DYNC2LI1: variants seen among roughly 807,000 people sequenced by gnomAD.
The protein encoded by DYNC2LI1 is dynein cytoplasmic 2 light intermediate chain 1.
Under a neutral mutation model 51.9 loss-of-function variants are expected in DYNC2LI1, and 45 were observed. The ratio of observed to expected loss-of-function variants is 0.87; its 90% CI spans 0.68 to 1.11. The LOEUF (loss-of-function observed/expected upper bound fraction) is 1.11. Ranked by LOEUF, DYNC2LI1 falls within the 50% of genes most tolerant of loss-of-function variation. The pLI, the probability that DYNC2LI1 is intolerant of heterozygous loss-of-function variation, is 0.00. For synonymous variants in DYNC2LI1, 130 were observed against 137.8 expected (o/e 0.94, Z 0.40); for missense variants, 490 against 417.4 (o/e 1.17, Z -1.51).
Position 43,809,981 on chromosome 2 carries a change from A to G in DYNC2LI1, c.*214A>G. ...AGAACCACGTGTAATTTTTTTTAAA[A>G]TAAAAGAATCTTCTACTACCTACCT... On this transcript the variant is annotated 3_prime_UTR_variant, in exon 13 of 13. Transcript: ENST00000260605. The G allele has an allele frequency of 1.6e-6, 2 of 1,250,362 alleles. No homozygotes were observed. Among genetic ancestry groups the G allele is most frequent in the Non-Finnish European group, 2.0e-6 (2 of 978,256 alleles). The allele number at this position is 1,250,362 out of a possible 1,614,324, so 77.5% of individuals were successfully genotyped here. A position where few individuals can be genotyped will look rare whatever the true frequency, so the allele number is the denominator to read the frequency against.
the DYNC2LI1 span, chr2:43,824,204 T>C: frequency 6.2e-7 from 1 of 1,614,116 alleles, no homozygotes; most frequent in Non-Finnish European, 8.5e-7. Flanking sequence ...TTTCTCACAT[T>C]TGTGAGCCTC....
chr2:43,801,723 T>C lies in DYNC2LI1; in HGVS notation c.802+14T>C, dbSNP rs752982839. 5.0e-6 allele frequency: 8 copies of C among 1,595,382 alleles called. No homozygotes were observed. Among genetic ancestry groups the C allele is most frequent in the South Asian group, 1.1e-5 (1 of 89,060 alleles). On this transcript the variant is annotated intron_variant, in intron 10 of 12. Coordinates refer to ENST00000260605, the MANE Select transcript of DYNC2LI1 (RefSeq NM_016008.4). Reference sequence around the variant, plus strand: ...TCGGTCAAATAGGTTAGTGAACTTATTAAGATTGTTCAATCTTTTTTTAAT... The same window carrying C: ...TCGGTCAAATAGGTTAGTGAACTTACTAAGATTGTTCAATCTTTTTTTAAT...
intron 4 of DYNC2LI1, 98 bp downstream of exon 4, chr2:43,787,348 C>G: frequency 1.9e-6 from 2 of 1,026,242 alleles, no homozygotes; most frequent in African/African-American, 3.2e-5. Context: ...AATCAATAAA[C>G]ATACCCAGTT....
At chr2:43,775,985 G>A (rs1211216981) in intron 1 of DYNC2LI1, among the ~76,000 whole-genome samples, 7 of 149,378 alleles carry the variant, frequency 4.7e-5, no homozygotes, top group Non-Finnish European at 8.9e-5. Context: ...GATTACAGGT[G>A]TGAACCACCA....
chr2:43,822,478 GCC>G, the DYNC2LI1 span: 1 of 463,378 alleles, frequency 2.2e-6, no homozygotes, highest in Non-Finnish European at 2.8e-6. Flanking sequence ...CCTCCCCCAG[GCC>G]CCCCCCCATG....
the DYNC2LI1 span, chr2:43,822,468 C>CCGG: frequency 1.2e-6 from 1 of 819,744 alleles, no homozygotes; most frequent in Non-Finnish European, 1.4e-6. Flanking sequence ...TGCTTTCTCC[C>CCGG]CTCCCCCAGG....
chr2:43,780,583 G>T (rs1003816939), intron 2 of DYNC2LI1, among the ~76,000 whole-genome samples: 1 of 152,148 alleles, frequency 6.6e-6, no homozygotes, highest in African/African-American at 2.4e-5. Flanking sequence ...AGAGGAAGGG[G>T]TTCAGGGTAA....
At chr2:43,824,394 C>G in the DYNC2LI1 span, 1 of 1,614,116 alleles carries the variant, frequency 6.2e-7, no homozygotes, top group African/African-American at 1.3e-5. Flanking sequence ...GTTTCTATTT[C>G]CCGTTCCTTG....
chr2:43,782,536 G>A (rs1023083574), intron 2 of DYNC2LI1, among the ~76,000 whole-genome samples: 11 of 148,654 alleles, frequency 7.4e-5, no homozygotes, highest in Non-Finnish European at 1.5e-4. Context: ...CCTTGCAAGG[G>A]GTCTTTTCTT....
At chr2:43,776,112 T>C (rs923180359) in intron 1 of DYNC2LI1, among the ~76,000 whole-genome samples, 4 of 152,024 alleles carry the variant, frequency 2.6e-5, no homozygotes, top group African/African-American at 9.7e-5. Flanking sequence ...TGTATACATG[T>C]GCCATGTTGG....
intron 3 of DYNC2LI1, 120 bp downstream of exon 3, chr2:43,783,674 C>A: frequency 1.6e-6 from 1 of 614,984 alleles, no homozygotes; most frequent in Non-Finnish European, 2.7e-6. Flanking sequence ...ATATTTAATT[C>A]TTAGCAAATC....
chr2:43,777,354 A>G (rs1158883386), intron 2 of DYNC2LI1, among the ~76,000 whole-genome samples: 1 of 152,186 alleles, frequency 6.6e-6, no homozygotes, highest in East Asian at 1.9e-4. Context: ...CCAGTGGACC[A>G]CTGATTGGTA....
At chr2:43,818,251 C>T in the DYNC2LI1 span, among the ~76,000 whole-genome samples, 1 of 152,044 alleles carries the variant, frequency 6.6e-6, no homozygotes, top group Non-Finnish European at 1.5e-5. Context: ...CGAGACTAGC[C>T]TGGCCAACAT....
In DYNC2LI1 at chr2:43,778,175, T is replaced by C. The variant is rs80313165; in HGVS notation, c.126+1276T>C. On this transcript the variant is annotated intron_variant, in intron 2 of 12. Transcript: ENST00000260605. Reference sequence around the variant, plus strand: ...TATATTTTATAAGCATGTTATTTCTTTTTTTGAGACAGGGTCTCGCTCTGG... The same window carrying C: ...TATATTTTATAAGCATGTTATTTCTCTTTTTGAGACAGGGTCTCGCTCTGG... Among the ~76,000 whole-genome samples the C allele has an allele frequency of 6.2e-3, 944 of 152,324 alleles. 17 individuals are homozygous for C. Among genetic ancestry groups the C allele is most frequent in the African/African-American group, 0.021 (893 of 41,572 alleles).
At chr2:43,801,027 C>G (rs915372125) in intron 9 of DYNC2LI1, 110 bp downstream of exon 9, 9 of 447,862 alleles carry the variant, frequency 2.0e-5, no homozygotes, top group Admixed American at 7.9e-5. Flanking sequence ...AGGAAAGTGA[C>G]CCAGATGGCT....
intron 2 of DYNC2LI1, among the ~76,000 whole-genome samples, chr2:43,782,194 T>C (rs2104668011): frequency 6.6e-6 from 1 of 152,300 alleles, no homozygotes; most frequent in East Asian, 1.9e-4. Context: ...ATTTAGCCAG[T>C]AGGGGACATG....
intron 9 of DYNC2LI1, 21 bp downstream of exon 9, chr2:43,800,938 A>C: frequency 6.7e-7 from 1 of 1,500,304 alleles, no homozygotes; most frequent in Non-Finnish European, 9.2e-7. Context: ...GATATTTTTT[A>C]TATCATTTAT....
intron 6 of DYNC2LI1, 104 bp from the exon 7 acceptor site, chr2:43,795,786 C>T: frequency 1.2e-6 from 1 of 845,458 alleles, no homozygotes; most frequent in Non-Finnish European, 2.0e-6. Flanking sequence ...AAGTAAACAT[C>T]TATGAAGAGA....
At chr2:43,806,415 T>C (rs1666258513) in intron 12 of DYNC2LI1, among the ~76,000 whole-genome samples, 2 of 152,234 alleles carry the variant, frequency 1.3e-5, no homozygotes, top group East Asian at 1.9e-4. Context: ...TCGGGGGCTG[T>C]TGGAGAAGTA....
Sources: gnomAD v4.1 joint callset for allele counts (sites outside exome capture counted in the v4.1 genomes callset) on GRCh38, gnomAD v4.1.1 for gene constraint, MANE v1.5 for transcripts, NCBI Gene and HGNC (gene_info 2026-07-23, HGNC 2026-07-21) for gene names.